Variants in ANXA10 observed in about 807,000 individuals in gnomAD.
ANXA10 encodes annexin 14.
A neutral mutation model predicts 53.5 loss-of-function variants in ANXA10; 49 were observed. That is an observed-to-expected ratio of 0.92 (90% CI 0.73 to 1.16). ANXA10 has a LOEUF of 1.16. Ranked by LOEUF, ANXA10 falls within the 50% of genes most tolerant of loss-of-function variation. ANXA10 has a pLI of 0.00. For synonymous variants in ANXA10, 131 were observed against 128.9 expected, an observed-to-expected ratio of 1.02 and a Z score of -0.11; for missense variants, 393 against 394.4, an observed-to-expected ratio of 1.00 and a Z score of 0.03.
At chr4:168,130,504 T>A (rs1731140405) in intron 2 of ANXA10, among the ~76,000 whole-genome samples, 1 of 152,086 alleles carries the variant, frequency 6.6e-6, no homozygotes, top group African/African-American at 2.4e-5. Flanking sequence ...TATGAAGCAT[T>A]CTCTATGCTT....
At chr4:168,184,467 A>C (rs1732324567) in intron 10 of ANXA10, 92 bp from the exon 11 acceptor site, 16 of 1,458,344 alleles carry the variant, frequency 1.1e-5, no homozygotes, top group Non-Finnish European at 1.4e-5. Flanking sequence ...GAAGAAGAGA[A>C]AATGACTACA....
chr4:168,100,892 A>T (rs991627577), intron 1 of ANXA10, among the ~76,000 whole-genome samples: 11 of 152,112 alleles, frequency 7.2e-5, no homozygotes, highest in African/African-American at 2.7e-4. Flanking sequence ...TGAAATTATC[A>T]AAACAGGATA....
At chr4:168,182,884 T>C (rs1350848777) in intron 10 of ANXA10, among the ~76,000 whole-genome samples, 3 of 149,574 alleles carry the variant, frequency 2.0e-5, no homozygotes, top group South Asian at 4.2e-4. Context: ...GTTGCAGGCA[T>C]CTGTAGTTCC....
chr4:168,098,858 AATG>A (rs1730595823), intron 1 of ANXA10, among the ~76,000 whole-genome samples: 1 of 152,108 alleles, frequency 6.6e-6, no homozygotes, highest in South Asian at 2.1e-4. Context: ...CACACAAGAT[AATG>A]TGTTTTATAT....
At chr4:168,116,087 C>CA (rs150995061) in intron 1 of ANXA10, among the ~76,000 whole-genome samples, 3,567 of 150,804 alleles carry the variant, frequency 0.024, 134 homozygotes, top group African/African-American at 0.077. Flanking sequence ...AAGACAAATG[C>CA]AAAAAAAATG....
At position 168,139,584 on chromosome 4, in the gene ANXA10, A is replaced by G; in HGVS notation, c.195+4A>G. 1 of 1,605,700 alleles carries G rather than the reference A, an allele frequency of 6.2e-7. No individual in the cohort carries two copies. Among genetic ancestry groups the G allele is most frequent in the Non-Finnish European group, 8.5e-7 (1 of 1,173,118 alleles). On this transcript the variant is annotated splice_donor_region_variant and intron_variant, in intron 3 of 11. Transcript: ENST00000359299. ...ATACCAGAGCATGTATGGCCGGGTA[A>G]GGCCACTTTATCTTGACCTATTTCT...
At chr4:168,145,140 A>G (rs939166566) in intron 3 of ANXA10, among the ~76,000 whole-genome samples, 23 of 152,228 alleles carry the variant, frequency 1.5e-4, no homozygotes, top group Non-Finnish European at 2.9e-5. Flanking sequence ...GAGCCAGCTT[A>G]TCAACCTGGG....
chr4:168,114,854 G>A (rs746877541), intron 1 of ANXA10, among the ~76,000 whole-genome samples: 14 of 151,954 alleles, frequency 9.2e-5, no homozygotes, highest in Non-Finnish European at 1.3e-4. Context: ...AGTATTCCAC[G>A]GTGTGTATGT....
chr4:168,171,420 T>A (rs1476558875), intron 6 of ANXA10, among the ~76,000 whole-genome samples: 1 of 152,172 alleles, frequency 6.6e-6, no homozygotes, highest in African/African-American at 2.4e-5. Context: ...GTTGTTATAA[T>A]CAGGTCCTCT....
chr4:168,152,099 T>C (rs912300995), intron 3 of ANXA10, among the ~76,000 whole-genome samples: 7 of 152,204 alleles, frequency 4.6e-5, no homozygotes, highest in African/African-American at 1.7e-4. Context: ...GAGCTTACAT[T>C]CTACCTATTC....
rs1285204297 is a variant in ANXA10 at position 168,183,125 on chromosome 4, T to C, written c.783+1384T>C. On this transcript the variant is annotated intron_variant, in intron 10 of 11. Coordinates refer to ENST00000359299, the MANE Select transcript of ANXA10 (RefSeq NM_007193.5). ...AAAACGATTAAAAATAATCCAATAA[T>C]ACAGTAATTTTAATCATCAGTTTTA... 2.0e-5 allele frequency among the ~76,000 whole-genome samples: 3 copies of C among 151,554 alleles called. No individual in the cohort carries two copies. In the East Asian group the frequency reaches 5.8e-4, roughly 29 times the overall value.
chr4:168,170,329 C>A (rs1401588533), intron 6 of ANXA10, among the ~76,000 whole-genome samples: 1 of 152,164 alleles, frequency 6.6e-6, no homozygotes, highest in African/African-American at 2.4e-5. Flanking sequence ...CTATAAATTT[C>A]TAGAATTACA....
Position 168,163,540 on chromosome 4 carries a change from T to C in ANXA10, c.310-658T>C, listed in dbSNP as rs367960236. 1.1e-4 allele frequency among the ~76,000 whole-genome samples: 17 copies of C among 152,210 alleles called. No individual in the cohort carries two copies. In the East Asian group the frequency reaches 1.2e-3, roughly 10 times the overall value. On this transcript the variant is annotated intron_variant, in intron 4 of 11. Transcript: ENST00000359299. ...TTCCTACCTCTTGCAAAATTATGTC[T>C]AAAAATTATTTAAAAAATAAAGTTA...
At chr4:168,158,162 TA>T (rs1731722142) in intron 3 of ANXA10, among the ~76,000 whole-genome samples, 1 of 152,206 alleles carries the variant, frequency 6.6e-6, no homozygotes, top group Non-Finnish European at 1.5e-5. Flanking sequence ...ATGATGGTTC[TA>T]ATTTCCATTA....
At chr4:168,168,412 TTTC>T (rs541604881) in intron 6 of ANXA10, among the ~76,000 whole-genome samples, 31 of 152,120 alleles carry the variant, frequency 2.0e-4, no homozygotes, top group East Asian at 7.7e-4. Context: ...ATTTAGTGTA[TTTC>T]TTCTTCTTCT....
intron 1 of ANXA10, among the ~76,000 whole-genome samples, chr4:168,112,311 G>A (rs759659625): frequency 2.6e-5 from 4 of 151,952 alleles, no homozygotes; most frequent in African/African-American, 9.7e-5. Context: ...TGGCGGGCTG[G>A]GGGGAAGGCA....
At chr4:168,117,887 G>C (rs1185595117) in intron 1 of ANXA10, among the ~76,000 whole-genome samples, 1 of 151,310 alleles carries the variant, frequency 6.6e-6, no homozygotes, top group Non-Finnish European at 1.5e-5. Context: ...TCCACCACAG[G>C]GTGCACTCAT....
chr4:168,178,063 G>A, intron 8 of ANXA10, 80 bp downstream of exon 8: 1 of 1,324,448 alleles, frequency 7.6e-7, no homozygotes, highest in Non-Finnish European at 1.1e-6. Flanking sequence ...AAACAAAAAT[G>A]AAATATTACA....
chr4:168,183,840 T>C (rs6552527), intron 10 of ANXA10, among the ~76,000 whole-genome samples: 10,955 of 152,232 alleles, frequency 0.072, 840 homozygotes, highest in African/African-American at 0.17. Flanking sequence ...ATGAAAAGTT[T>C]ATTAGTAATA....
Sources: allele counts gnomAD v4.1 joint callset (sites outside exome capture counted in the v4.1 genomes callset), GRCh38; gene constraint gnomAD v4.1.1; transcripts MANE v1.5; gene names NCBI Gene and HGNC (gene_info 2026-07-23, HGNC 2026-07-21).